The following MUC5B variants were observed in gnomAD, a reference collection of about 807,000 sequenced individuals.
The protein encoded by MUC5B is mucin-5B.
Under a neutral mutation model 376.9 loss-of-function variants are expected in MUC5B, and 116 were observed. That is an observed-to-expected ratio of 0.31 (90% confidence interval 0.26 to 0.36). The LOEUF is 0.36. Ranked by LOEUF, MUC5B falls within the 10% of genes least tolerant of loss-of-function variation. The probability of loss-of-function intolerance (pLI) is 1.00; values close to 1 mark genes in which losing one functional copy is unlikely to be tolerated. For synonymous variants in MUC5B, 3,517 were observed against 3,390.9 expected (o/e 1.04, Z -1.29); for missense variants, 7,165 against 7,769.9 (o/e 0.92, Z 2.93).
rs762507677 is a variant in MUC5B at position 1,244,643 on chromosome 11, G to T, written c.7763G>T (p.Gly2588Val). ...CTTACCACCACGGCCACCACAACCG[G>T]GGCCACCGGCTCTGTGGCCACCCCC... ...TVLTTTATTT[G>V]ATGSVATPSS... Residue 2588 changes from glycine (G) to valine (V), a missense_variant, in exon 31 of 49, where the codon GGG (glycine) becomes GTG (valine). This residue lies in a region of MUC5B where 194 missense variants were observed against 268.5 expected (regional missense o/e 0.72). Transcript: ENST00000529681. 10 of 1,607,814 alleles carry T rather than the reference G, an allele frequency of 6.2e-6. No individual in the cohort carries two copies. The highest frequency in any genetic ancestry group is 8.5e-6 in the Non-Finnish European group (10 of 1,178,024).
In MUC5B at chr11:1,233,175, C is replaced by T. The variant is rs777191495; in HGVS notation, c.2228C>T (p.Ala743Val). ...TCPAGTFLND[A>V]GACVPAQECP... is the part of the protein sequence containing the mutation. Reference sequence around the variant, plus strand: ...CCCGCGGGCACCTTCCTCAATGACGCGGGCGCCTGTGTGCCCGCCCAGGAG... The same window carrying T: ...CCCGCGGGCACCTTCCTCAATGACGTGGGCGCCTGTGTGCCCGCCCAGGAG... The change falls in exon 18 of 49, where the codon GCG becomes GTG. Residue 743 changes from alanine to valine, a missense_variant. Ala to Val is a moderately conservative substitution (Grantham distance 64). Transcript: ENST00000529681. 1.5e-5 allele frequency: 24 copies of T among 1,604,912 alleles called. No homozygotes were observed. The highest frequency in any genetic ancestry group is 6.7e-5 in the African/African-American group (5 of 74,868).
rs185187003 is a variant in MUC5B at position 1,259,089 on chromosome 11, T to G, written c.16713+28T>G. 3.9e-4 allele frequency: 595 copies of G among 1,537,482 alleles called. 6 individuals carry two copies. In the African/African-American group the frequency reaches 7.4e-3, roughly 19 times the overall value. On this transcript the variant is annotated intron_variant, in intron 44 of 48. Transcript: ENST00000529681. ...GAGACCCGAGGCACCTGCCCCCAGG[T>G]GAGCCCCCGAGGCACCTGCCCCCAA...
intron 12 of MUC5B, 92 bp downstream of exon 12, chr11:1,230,692 GAGGCCAGGTCCCCCCTCCAGCCCCC>G (rs1176535944): frequency 5.1e-6 from 6 of 1,187,078 alleles, no homozygotes; most frequent in South Asian, 2.9e-5. Context: ...CTCCAGCCCC[GAGGCCAGGTCCCCCCTCCAGCCCCC>G]AGGCCAGGTC....
At position 1,232,483 on chromosome 11, in the gene MUC5B, C is replaced by A. The variant is rs1862049873; in HGVS notation, c.1877C>A (p.Thr626Asn). ...GCCCGGCACTGGTGCTCGCGCCTGA[C>A]CGATCCCAACAGTGCCTTCTCGCGC... is the stretch of plus-strand genomic sequence containing the variant. ...NYARHWCSRL[T>N]DPNSAFSRCH... is the part of the protein sequence containing the mutation. The change falls in exon 16 of 49, where the codon ACC (threonine) becomes AAC (asparagine). Residue 626 changes from threonine (T) to asparagine (N), a missense_variant. Thr to Asn is a moderately conservative substitution (Grantham distance 65). Transcript: ENST00000529681. The A allele has an allele frequency of 1.2e-6, 2 of 1,610,454 alleles. No individual in the cohort carries two copies. The highest frequency in any genetic ancestry group is 1.3e-5 in the African/African-American group (1 of 74,816).
At chr11:1,260,775 G>A (rs1006282812) in intron 48 of MUC5B, 47 bp downstream of exon 48, 10 of 1,421,890 alleles carry the variant, frequency 7.0e-6, no homozygotes, top group Non-Finnish European at 9.8e-6. Context: ...CGTGTGGTGG[G>A]TCCGCCCTGG....
chr11:1,240,205 C>A lies in MUC5B; in HGVS notation c.3800C>A (p.Thr1267Asn). 2 of 1,610,868 alleles carry A rather than the reference C, an allele frequency of 1.2e-6. No individual in the cohort carries two copies. The highest frequency in any genetic ancestry group is 1.7e-5 in the Admixed American group (1 of 59,866). The change falls in exon 30 of 49, where the codon ACC (threonine) becomes AAC (asparagine). Residue 1267 changes from threonine (T) to asparagine (N), a missense_variant. By Grantham distance (65) the Thr-to-Asn change is moderately conservative. Around this residue, in one of 31 missense-constraint regions of MUC5B, gnomAD observed 517 missense variants for 545.3 expected, o/e 0.95. Coordinates refer to ENST00000529681, the MANE Select transcript of MUC5B (RefSeq NM_002458.3). ...TGCACCTGCACCTATGAGGACAGGA[C>A]CTACAGCTACCAGGACGTCATCTAC... is the stretch of plus-strand genomic sequence containing the variant. ...EACTCTYEDR[T>N]YSYQDVIYNT...
chr11:1,250,860 C>A lies in MUC5B; in HGVS notation c.13980C>A (p.Ala4660=), dbSNP rs568416104. ...RVLTTTTTTV[A]TGSMATPSSS... ...TGACCACCACCACCACAACTGTGGC[C>A]ACTGGTTCTATGGCAACACCCTCCT... Residue 4660 remains alanine, a synonymous_variant, in exon 31 of 49, where the codon GCC becomes GCA. Coordinates refer to ENST00000529681, the MANE Select transcript of MUC5B (RefSeq NM_002458.3). 9.0e-5 allele frequency: 145 copies of A among 1,605,162 alleles called. 1 individual carries two copies. The South Asian group carries it at 1.6e-3, about 18-fold the overall frequency.
chr11:1,230,782 G>A (rs1008178607), intron 12 of MUC5B, among the ~76,000 whole-genome samples, 154 bp from the exon 13 acceptor site: 18 of 137,502 alleles, frequency 1.3e-4, no homozygotes, highest in Non-Finnish European at 1.7e-4. Flanking sequence ...AGGTCCTCCC[G>A]GGGGGGCAAT....
In MUC5B at chr11:1,248,382, C is replaced by T. The variant is rs765005339; in HGVS notation, c.11502C>T (p.Ser3834=). The part of the protein sequence containing the change: ...PSSTPETAHT[S]TVLTTTATTT... ...CCACTCCAGAGACTGCCCACACCTCCACAGTGCTTACCACCACGGCCACCA... is the reference window on the plus strand; with the variant it reads ...CCACTCCAGAGACTGCCCACACCTCTACAGTGCTTACCACCACGGCCACCA... Residue 3834 remains serine, a synonymous_variant, in exon 31 of 49, where the codon TCC becomes TCT. Transcript: ENST00000529681. 2 of 1,612,960 alleles carry T rather than the reference C, an allele frequency of 1.2e-6. No homozygotes were observed. The highest frequency in any genetic ancestry group is 4.5e-5 in the East Asian group (2 of 44,878).
At position 1,248,443 on chromosome 11, in the gene MUC5B, T is replaced by G. The variant is rs1316299631; in HGVS notation, c.11563T>G (p.Ser3855Ala). The change falls in exon 31 of 49, where the codon TCC becomes GCC. Residue 3855 changes from serine to alanine, a missense_variant. Ser to Ala is a moderately conservative substitution (Grantham distance 99, BLOSUM62 1). This residue lies in a region of MUC5B where 242 missense variants were observed against 199.0 expected (regional missense o/e 1.22). Transcript: ENST00000529681. ...CACCGGCTCTGTGGCCACCCCCTCT[T>G]CCACCCCAGGAACAGCTCACACTAC... is the stretch of plus-strand genomic sequence containing the variant. ...RATGSVATPS[S>A]TPGTAHTTKV... 1 of 1,607,194 alleles carries G rather than the reference T, an allele frequency of 6.2e-7. No individual in the cohort carries two copies.
Position 1,229,083 on chromosome 11 carries a change from G to A in MUC5B, c.977-87G>A, listed in dbSNP as rs907467834. 4 of 1,401,138 alleles carry A rather than the reference G, an allele frequency of 2.9e-6. No individual in the cohort carries two copies. The African/African-American group carries it at 4.3e-5, about 15-fold the overall frequency. The allele number at this position is 1,401,138 out of a possible 1,614,324, so 86.8% of individuals were successfully genotyped here. On this transcript the variant is annotated intron_variant, in intron 8 of 48. Coordinates refer to ENST00000529681, the MANE Select transcript of MUC5B (RefSeq NM_002458.3). ...CTGGCTTCTGTGGACTTGATGGCAT[G>A]TGGAAGGCCGTGGAAGGCGGCTGGG...
intron 13 of MUC5B, 21 bp downstream of exon 13, chr11:1,231,026 G>A (rs375147648): frequency 7.7e-6 from 12 of 1,567,292 alleles, no homozygotes; most frequent in South Asian, 7.0e-5. Context: ...CTCCCAGGAC[G>A]GCCGGGCTGG....
Position 1,238,739 on chromosome 11 carries a change from C to T in MUC5B, c.3298-132C>T, listed in dbSNP as rs1256051853. ...GGGGCACGCTCTGAGGTATTCCAGG[C>T]CCCAGGAGCTCAGAGAGCTGCCATG... On this transcript the variant is annotated intron_variant, in intron 25 of 48. Transcript: ENST00000529681. 3.0e-6 allele frequency: 3 copies of T among 1,007,770 alleles called. No individual in the cohort carries two copies. The South Asian group carries it at 4.7e-5, about 16-fold the overall frequency. The allele number at this position is 1,007,770 out of a possible 1,614,324, so 62.4% of individuals were successfully genotyped here.
Position 1,250,082 on chromosome 11 carries a change from C to A in MUC5B, c.13202C>A (p.Thr4401Lys), listed in dbSNP as rs770641834. 3 of 1,595,270 alleles carry A rather than the reference C, an allele frequency of 1.9e-6. No homozygotes were observed. The highest frequency in any genetic ancestry group is 3.4e-5 in the Admixed American group (2 of 58,500). The change falls in exon 31 of 49, where the codon ACA becomes AAA. Residue 4401 changes from threonine to lysine, a missense_variant. By Grantham distance (78) the Thr-to-Lys change is moderately conservative. Coordinates refer to ENST00000529681, the MANE Select transcript of MUC5B (RefSeq NM_002458.3). ...ILTELTTAAT[T>K]TAATGPTATP... The stretch of plus-strand genomic sequence containing the variant: ...ACAGAGCTGACCACAGCAGCCACTA[C>A]AACTGCAGCCACTGGCCCCACGGCC...
Position 1,247,014 on chromosome 11 carries a change from C to A in MUC5B, c.10134C>A (p.Ser3378=). 1 of 1,553,744 alleles carries A rather than the reference C, an allele frequency of 6.4e-7. No individual in the cohort carries two copies. The highest frequency in any genetic ancestry group is 2.0e-5 in the Admixed American group (1 of 51,100). The change falls in exon 31 of 49, where the codon TCC becomes TCA. Residue 3378 remains serine (S), a synonymous_variant. Transcript: ENST00000529681. Reference sequence around the variant, plus strand: ...CCACTGGTTCTATGGCAACACCCTCCTCTAGCACACAGACCAGTGGTACTC... The same window carrying A: ...CCACTGGTTCTATGGCAACACCCTCATCTAGCACACAGACCAGTGGTACTC... The part of the protein sequence containing the change: ...TVATGSMATP[S]SSTQTSGTPP...
intron 7 of MUC5B, 25 bp from the exon 8 acceptor site, chr11:1,228,539 C>T (rs537358059): frequency 8.8e-5 from 131 of 1,493,330 alleles, no homozygotes; most frequent in Non-Finnish European, 1.1e-4. Context: ...CAGGGGTGCC[C>T]AGCCTGGCCC....
rs878866339 is a variant in MUC5B at position 1,244,827 on chromosome 11, C to T, written c.7947C>T (p.Pro2649=). 3.1e-6 allele frequency: 5 copies of T among 1,613,728 alleles called. No individual in the cohort carries two copies. In the South Asian group the frequency reaches 3.3e-5, roughly 11 times the overall value. ...CAACCAGAGGTTCCACGGTGACCCC[C>T]TCCTCCATCCCGGGGACCACCCACA... ...TPTTRGSTVT[P]SSIPGTTHTP... is the part of the protein sequence containing the mutation. Residue 2649 remains proline (P), a synonymous_variant, in exon 31 of 49, where the codon CCC becomes CCT. Coordinates refer to ENST00000529681, the MANE Select transcript of MUC5B (RefSeq NM_002458.3).
chr11:1,233,898 C>A, intron 19 of MUC5B, 50 bp downstream of exon 19: 3 of 1,531,170 alleles, frequency 2.0e-6, no homozygotes, highest in Non-Finnish European at 2.7e-6. Context: ...CGCATCACCC[C>A]GCCTGGCCTG....
At chr11:1,225,111 C>T (rs1367216190) in intron 1 of MUC5B, among the ~76,000 whole-genome samples, 1 of 152,224 alleles carries the variant, frequency 6.6e-6, no homozygotes, top group African/African-American at 2.4e-5. Flanking sequence ...ACACAGCTTG[C>T]GCGGCCCAGA....
Sources: gnomAD v4.1 joint callset for allele counts (sites outside exome capture counted in the v4.1 genomes callset) on GRCh38, gnomAD v4.1.1 for gene constraint, gnomAD v4.1.1 regional missense constraint, MANE v1.5 for transcripts, NCBI Gene and HGNC (gene_info 2026-07-23, HGNC 2026-07-21) for gene names.